Variants in DLC1 observed in about 807,000 individuals in gnomAD.
The protein encoded by DLC1 is rho GTPase-activating protein 7.
In DLC1, 54 loss-of-function variants were observed where a neutral mutation model predicts 140.3. The observed-to-expected ratio is 0.38, with a 90% CI of 0.31 to 0.48. The LOEUF (loss-of-function observed/expected upper bound fraction) is 0.48. Among genes scored for constraint, DLC1 ranks in the 20% least tolerant of loss-of-function variants. The probability of loss-of-function intolerance (pLI) is 0.96; values close to 1 mark genes in which losing one functional copy is unlikely to be tolerated. For synonymous variants in DLC1, 986 were observed against 728.1 expected (o/e 1.35, Z -5.70); for missense variants, 2,536 against 1,907.0 (o/e 1.33, Z -6.14).
chr8:13,572,849 T>C (rs967183761), intron 1 of DLC1, among the ~76,000 whole-genome samples: 1 of 152,206 alleles, frequency 6.6e-6, no homozygotes, highest in Admixed American at 6.5e-5. Context: ...GTGTCTGTCC[T>C]TACTCCAGTA....
chr8:13,170,715 GCA>G (rs1825414339), intron 5 of DLC1, among the ~76,000 whole-genome samples: 1 of 134,592 alleles, frequency 7.4e-6, no homozygotes, highest in South Asian at 2.4e-4. Context: ...GGGCGACAGA[GCA>G]AGACTCCATC....
chr8:13,115,202 A>G (rs1228366238), intron 6 of DLC1, among the ~76,000 whole-genome samples: 6 of 152,236 alleles, frequency 3.9e-5, no homozygotes, highest in Non-Finnish European at 8.8e-5. Flanking sequence ...TTAACAATAC[A>G]ATATTAAGTG....
At chr8:13,369,147 T>C (rs1835619471) in intron 4 of DLC1, among the ~76,000 whole-genome samples, 1 of 152,082 alleles carries the variant, frequency 6.6e-6, no homozygotes, top group African/African-American at 2.4e-5. Flanking sequence ...TTATTTCCAT[T>C]CATATGTCCA....
At chr8:13,386,772 A>G (rs79145004) in intron 4 of DLC1, among the ~76,000 whole-genome samples, 3,234 of 151,788 alleles carry the variant, frequency 0.021, 60 homozygotes, top group Middle Eastern at 0.058. Flanking sequence ...CATTATAATA[A>G]TCACTGAACA....
At chr8:13,353,852 C>A (rs182478798) in intron 4 of DLC1, among the ~76,000 whole-genome samples, 5 of 148,274 alleles carry the variant, frequency 3.4e-5, no homozygotes, top group African/African-American at 1.3e-4. Context: ...AGTGAGACTT[C>A]GTCTGGAAAA....
intron 1 of DLC1, among the ~76,000 whole-genome samples, chr8:13,546,982 A>G (rs1200099404): frequency 2.0e-5 from 3 of 152,120 alleles, no homozygotes; most frequent in Non-Finnish European, 2.9e-5. Context: ...ACATAGACTT[A>G]GTTTAATTAC....
intron 5 of DLC1, among the ~76,000 whole-genome samples, chr8:13,132,205 C>CTGTGTGTGTG (rs147699066): frequency 0.03 from 4,188 of 139,142 alleles, 97 homozygotes; most frequent in South Asian, 0.051. Flanking sequence ...AAAACCAAAA[C>CTGTGTGTGTG]TGTGTGTGTG....
At chr8:13,130,049 C>G (rs562868754) in intron 5 of DLC1, among the ~76,000 whole-genome samples, 1 of 152,182 alleles carries the variant, frequency 6.6e-6, no homozygotes, top group Admixed American at 6.5e-5. Context: ...ATCCATTTCA[C>G]CCACTGTACT....
At chr8:13,524,578 T>C (rs942544210) in intron 1 of DLC1, among the ~76,000 whole-genome samples, 7 of 152,208 alleles carry the variant, frequency 4.6e-5, no homozygotes, top group African/African-American at 1.4e-4. Context: ...TTTTATCTAA[T>C]ACCAGCTCCT....
intron 1 of DLC1, among the ~76,000 whole-genome samples, chr8:13,523,276 C>T (rs926537161): frequency 1.3e-5 from 2 of 151,944 alleles, no homozygotes; most frequent in East Asian, 1.9e-4. Context: ...GTTCATGCTA[C>T]CAATTTTTTT....
chr8:13,110,612 T>A (rs1160763764), intron 7 of DLC1, 130 bp downstream of exon 7: 3 of 814,804 alleles, frequency 3.7e-6, no homozygotes, highest in Non-Finnish European at 5.9e-6. Context: ...AGGTCTATGA[T>A]CACTCTATGG....
intron 6 of DLC1, among the ~76,000 whole-genome samples, chr8:13,114,161 C>T (rs778410747): frequency 6.6e-6 from 1 of 152,132 alleles, no homozygotes; most frequent in Non-Finnish European, 1.5e-5. Flanking sequence ...CGGGAGTTCA[C>T]GACCAGCTTG....
At chr8:13,294,190 G>A (rs1318362754) in intron 5 of DLC1, among the ~76,000 whole-genome samples, 1 of 152,162 alleles carries the variant, frequency 6.6e-6, no homozygotes, top group Non-Finnish European at 1.5e-5. Flanking sequence ...ATATCATACA[G>A]TTTGAACTAT....
At chr8:13,091,278 A>G (rs202154971) in intron 14 of DLC1, 40 bp downstream of exon 14, 392 of 1,602,152 alleles carry the variant, frequency 2.4e-4, no homozygotes, top group Non-Finnish European at 9.3e-5. Context: ...ACCTATTCAC[A>G]TTATCCTTAA....
chr8:13,581,092 G>A (rs949137732), intron 1 of DLC1, among the ~76,000 whole-genome samples: 10 of 152,176 alleles, frequency 6.6e-5, no homozygotes, highest in Non-Finnish European at 1.5e-5. Flanking sequence ...CTATTACAAA[G>A]TATTTACTAA....
Position 13,181,287 on chromosome 8 carries a change from T to C in DLC1, c.1349-65630A>G, listed in dbSNP as rs115616050. Among the ~76,000 whole-genome samples, 581 of 152,158 alleles carry C rather than the reference T, an allele frequency of 3.8e-3. 4 individuals carry two copies. Among genetic ancestry groups the C allele is most frequent in the African/African-American group, 0.013 (554 of 41,534 alleles). On this transcript the variant is annotated intron_variant, in intron 5 of 17. Coordinates refer to ENST00000276297, the MANE Select transcript of DLC1 (RefSeq NM_182643.3). Reference sequence around the variant, plus strand: ...CCTCAGCCTTCACATCTTTACTCAATTGTCACTGTCTCAGGTGGCTGTATT... The same window carrying C: ...CCTCAGCCTTCACATCTTTACTCAACTGTCACTGTCTCAGGTGGCTGTATT...
rs915664048 is a variant in DLC1, at chr8:13,500,067, G to A, written c.5C>T (p.Ser2Phe). The A allele has an allele frequency of 2.5e-6, 4 of 1,612,332 alleles. No homozygotes were observed. The highest frequency in any genetic ancestry group is 3.4e-6 in the Non-Finnish European group (4 of 1,178,784). The change falls in exon 2 of 18, where the codon TCT becomes TTT. Residue 2 changes from serine to phenylalanine, a missense_variant. Physicochemically the swap from Ser to Phe is radical, Grantham distance 155. Transcript: ENST00000276297. M[S>F]VAIRKRSWEE... ...CCAGCTTCTCTTTCTGATAGCTACA[G>A]ACATGTCATCGTAGTTTAACAACAG...
chr8:13,400,233 G>A (rs1482283278), intron 3 of DLC1, among the ~76,000 whole-genome samples: 1 of 152,100 alleles, frequency 6.6e-6, no homozygotes, highest in Non-Finnish European at 1.5e-5. Flanking sequence ...CTAGTATAAG[G>A]GGAAGGAAGG....
intron 4 of DLC1, among the ~76,000 whole-genome samples, chr8:13,310,673 T>C (rs185185167): frequency 1.1e-4 from 16 of 152,358 alleles, no homozygotes; most frequent in Admixed American, 5.9e-4. Context: ...ATCACGCCAT[T>C]CTGCAATATT....
Sources: allele counts gnomAD v4.1 joint callset (sites outside exome capture counted in the v4.1 genomes callset), GRCh38; gene constraint gnomAD v4.1.1; transcripts MANE v1.5; gene names NCBI Gene and HGNC (gene_info 2026-07-23, HGNC 2026-07-21).